IQSEC1: variants seen among roughly 807,000 people sequenced by gnomAD.
IQSEC1 encodes IQ motif and Sec7 domain ArfGEF 1.
Under a neutral mutation model 91.0 loss-of-function variants are expected in IQSEC1, and 31 were observed. That is an observed-to-expected ratio of 0.34 (90% CI 0.26 to 0.46). The LOEUF is 0.46. IQSEC1 is among the 20% of genes least tolerant of loss of function. The pLI is 1.00. For missense variants in IQSEC1, 1,388 were observed against 1,575.6 expected (o/e 0.88, Z 2.02); for synonymous variants, 699 against 662.6 (o/e 1.05, Z -0.84).
rs925825435 is a variant in IQSEC1 at position 12,898,137 on chromosome 3, T to C, written c.*2846A>G. The C allele has an allele frequency of 1.3e-5, 2 of 152,248 alleles. No homozygotes were observed. The highest frequency in any genetic ancestry group is 2.9e-5 in the Non-Finnish European group (2 of 68,050). The allele number at this position is 152,248 out of a possible 1,614,324, so 9.4% of individuals were successfully genotyped here. A position where few individuals can be genotyped will look rare whatever the true frequency, so the allele number is the denominator to read the frequency against. ...CATCCTGGGGCCCTCGGCCTCCTCC[T>C]GCCTCCCCTCCCAGGGGATGTGATG... On this transcript the variant is annotated 3_prime_UTR_variant, in exon 14 of 14. Coordinates refer to ENST00000613206, the MANE Select transcript of IQSEC1 (RefSeq NM_001134382.3).
intron 2 of IQSEC1, among the ~76,000 whole-genome samples, chr3:13,111,625 T>C (rs1299077348): frequency 6.6e-6 from 1 of 152,158 alleles, no homozygotes; most frequent in Non-Finnish European, 1.5e-5. Flanking sequence ...GTGACAGTAT[T>C]TGGGGGTGGG....
upstream of IQSEC1, among the ~76,000 whole-genome samples, chr3:13,073,810 G>C (rs549444604): frequency 1.6e-4 from 25 of 152,250 alleles, no homozygotes; most frequent in Non-Finnish European, 2.8e-4. Flanking sequence ...AGGGCGATGA[G>C]ACCTTGGCAA....
At chr3:13,118,707 G>A (rs1706374912) in intron 2 of IQSEC1, among the ~76,000 whole-genome samples, 1 of 152,188 alleles carries the variant, frequency 6.6e-6, no homozygotes, top group Non-Finnish European at 1.5e-5. Context: ...TGCAAAAAAA[G>A]AACGAGTTCT....
At chr3:13,101,562 C>T (rs1706064972) in intron 2 of IQSEC1, among the ~76,000 whole-genome samples, 1 of 152,016 alleles carries the variant, frequency 6.6e-6, no homozygotes, top group African/African-American at 2.4e-5. Context: ...GGTGCTCAGG[C>T]CCAAGTCTGT....
intron 5 of IQSEC1, among the ~76,000 whole-genome samples, chr3:12,921,212 A>G (rs1467363855): frequency 6.6e-6 from 1 of 152,128 alleles, no homozygotes; most frequent in African/African-American, 2.4e-5. Context: ...GCAGGGACAG[A>G]GTAGAGGAGC....
intron 6 of IQSEC1, among the ~76,000 whole-genome samples, chr3:12,917,011 G>A (rs557566055): frequency 1.3e-4 from 20 of 152,342 alleles, no homozygotes; most frequent in African/African-American, 3.6e-4. Flanking sequence ...CAGAGGCTAT[G>A]CCCTGAGCAG....
At chr3:13,003,122 A>G (rs966411509) in intron 1 of IQSEC1, among the ~76,000 whole-genome samples, 1 of 152,150 alleles carries the variant, frequency 6.6e-6, no homozygotes, top group Non-Finnish European at 1.5e-5. Flanking sequence ...CAGTGTATCC[A>G]TACAATGGAA....
At chr3:13,120,810 C>G (rs907390803) in intron 2 of IQSEC1, among the ~76,000 whole-genome samples, 4 of 152,174 alleles carry the variant, frequency 2.6e-5, no homozygotes, top group African/African-American at 9.7e-5. Context: ...GGGCAGGGGA[C>G]AGAGGGCCAA....
chr3:13,278,314 G>A (rs950602031), intron 1 of IQSEC1, among the ~76,000 whole-genome samples: 1 of 152,070 alleles, frequency 6.6e-6, no homozygotes, highest in Non-Finnish European at 1.5e-5. Flanking sequence ...GAAGATCAAA[G>A]GCTGGAAGGA....
In IQSEC1 at chr3:12,967,581, A is replaced by G; in HGVS notation, c.24-25716T>C. ...CCACCCGGAGACCCGACCACCCGCC[A>G]CGCGATCACGTCGGGGCTCCTGGTC... On this transcript the variant is annotated intron_variant, in intron 1 of 13. Transcript: ENST00000613206. This position sits in a 1 kb window ranked among gnomAD's most constrained non-coding sequence, Gnocchi z 5.9. 4 of 1,321,290 alleles carry G rather than the reference A, an allele frequency of 3.0e-6. No homozygotes were observed. The highest frequency in any genetic ancestry group is 3.8e-6 in the Non-Finnish European group (4 of 1,042,210). The allele number at this position is 1,321,290 out of a possible 1,614,324, so 81.8% of individuals were successfully genotyped here.
intron 12 of IQSEC1, among the ~76,000 whole-genome samples, chr3:12,906,114 C>G (rs942155940): frequency 6.6e-6 from 1 of 152,230 alleles, no homozygotes; most frequent in African/African-American, 2.4e-5. Context: ...CATCAGTCCC[C>G]TGGCTTCATG....
chr3:13,263,603 C>G (rs551572600), intron 1 of IQSEC1, among the ~76,000 whole-genome samples: 12 of 152,036 alleles, frequency 7.9e-5, no homozygotes, highest in Admixed American at 6.5e-4. Context: ...CCACCACGCC[C>G]GACTAATTTT....
At position 13,242,011 on chromosome 3, in the gene IQSEC1, G is replaced by A. The variant is rs914830578; in HGVS notation, c.272+40700C>T. ...TCTATTACATGTGCTTTACCACAAC[G>A]TATATACATACACACATGTGTGTAT... On this transcript the variant is annotated intron_variant, in intron 1 of 15. Transcript: ENST00000648114. Among the ~76,000 whole-genome samples the A allele has an allele frequency of 2.0e-5, 3 of 152,184 alleles. No individual in the cohort carries two copies. In the East Asian group the frequency reaches 5.8e-4, roughly 29 times the overall value.
intron 1 of IQSEC1, among the ~76,000 whole-genome samples, chr3:13,066,107 G>A (rs1705220007): frequency 6.6e-6 from 1 of 152,326 alleles, no homozygotes; most frequent in Admixed American, 6.5e-5. Context: ...CGCTTACAGA[G>A]CACAGAGCCC....
intron 3 of IQSEC1, among the ~76,000 whole-genome samples, chr3:12,927,321 C>T (rs1697232720): frequency 6.6e-6 from 1 of 152,240 alleles, no homozygotes; most frequent in South Asian, 2.1e-4. Flanking sequence ...TGGGCCTATG[C>T]TCCCTGGCCT....
chr3:12,903,581 C>CT (rs1224063301), intron 12 of IQSEC1, among the ~76,000 whole-genome samples: 1 of 152,238 alleles, frequency 6.6e-6, no homozygotes, highest in Non-Finnish European at 1.5e-5. Flanking sequence ...AGTAGGCACT[C>CT]GGCATGCGGG....
intron 1 of IQSEC1, among the ~76,000 whole-genome samples, chr3:12,957,002 G>C (rs2570001): frequency 0.52 from 78,510 of 152,038 alleles, 20,870 homozygotes; most frequent in African/African-American, 0.55. Context: ...AAGGCTCAAC[G>C]CCCTTAACTC....
intron 1 of IQSEC1, among the ~76,000 whole-genome samples, chr3:13,173,891 A>C (rs1257262689): frequency 6.6e-6 from 1 of 152,198 alleles, no homozygotes; most frequent in African/African-American, 2.4e-5. Context: ...ACTCGGAGTG[A>C]GCCTGGCCTC....
At chr3:12,996,535 G>A (rs975333379) in intron 1 of IQSEC1, among the ~76,000 whole-genome samples, 4 of 151,906 alleles carry the variant, frequency 2.6e-5, no homozygotes, top group Admixed American at 6.6e-5. Context: ...GGAAGATGTC[G>A]AACACTTAAC....
Sources: gnomAD v4.1 joint callset for allele counts (sites outside exome capture counted in the v4.1 genomes callset) on GRCh38, gnomAD v4.1.1 for gene constraint, Gnocchi (gnomAD v3.1) non-coding constraint, MANE v1.5 for transcripts, NCBI Gene and HGNC (gene_info 2026-07-23, HGNC 2026-07-21) for gene names.